Variants in SMYD3 observed in about 807,000 individuals in gnomAD.
SMYD3 encodes the protein histone-lysine N-methyltransferase SMYD3.
In SMYD3, 36 loss-of-function variants were observed where a neutral mutation model predicts 57.7. The ratio of observed to expected loss-of-function variants is 0.62; its 90% CI spans 0.48 to 0.82. The LOEUF is 0.82. Among genes scored for constraint, SMYD3 ranks in the 40% least tolerant of loss-of-function variants. The pLI is 0.00. For synonymous variants in SMYD3, 211 were observed against 195.0 expected, an observed-to-expected ratio of 1.08 and a Z score of -0.68; for missense variants, 515 against 538.8, an observed-to-expected ratio of 0.96 and a Z score of 0.44.
At chr1:246,191,446 T>C (rs778379207) in intron 5 of SMYD3, among the ~76,000 whole-genome samples, 1 of 152,222 alleles carries the variant, frequency 6.6e-6, no homozygotes, top group Non-Finnish European at 1.5e-5. Context: ...AGAAAGACAC[T>C]GCATTTTTAG....
chr1:246,440,766 CAGAA>C (rs2067450477), intron 1 of SMYD3, among the ~76,000 whole-genome samples: 1 of 152,172 alleles, frequency 6.6e-6, no homozygotes, highest in Non-Finnish European at 1.5e-5. Flanking sequence ...TGAGCTTTCA[CAGAA>C]AGATACAAGT....
intron 2 of SMYD3, among the ~76,000 whole-genome samples, chr1:246,339,825 G>A (rs1352814292): frequency 6.6e-6 from 1 of 152,212 alleles, no homozygotes; most frequent in Non-Finnish European, 1.5e-5. Flanking sequence ...GCCCTCTCTT[G>A]TTCCCTCTCA....
intron 1 of SMYD3, among the ~76,000 whole-genome samples, chr1:246,364,703 T>C (rs1441429898): frequency 6.6e-6 from 1 of 152,104 alleles, no homozygotes; most frequent in Non-Finnish European, 1.5e-5. Flanking sequence ...GGGGAGTGGT[T>C]AAAAGTCTAA....
chr1:246,483,420 C>T (rs1235517578), intron 1 of SMYD3: 2 of 152,182 alleles, frequency 1.3e-5, no homozygotes, highest in East Asian at 1.9e-4. Context: ...TTGAGACTAA[C>T]ATCAAAACAC....
intron 5 of SMYD3, among the ~76,000 whole-genome samples, chr1:246,310,247 C>T (rs2065053253): frequency 6.6e-6 from 1 of 152,104 alleles, no homozygotes; most frequent in Non-Finnish European, 1.5e-5. Context: ...CAAGAGAAAT[C>T]GGAGGCAAGT....
chr1:245,836,707 G>A (rs898322874), intron 10 of SMYD3, among the ~76,000 whole-genome samples: 6 of 152,192 alleles, frequency 3.9e-5, no homozygotes, highest in Non-Finnish European at 8.8e-5. Context: ...AGCACTCACT[G>A]GCAGCAGGGG....
intron 5 of SMYD3, among the ~76,000 whole-genome samples, chr1:245,931,251 G>A (rs2056698157): frequency 6.6e-6 from 1 of 152,188 alleles, no homozygotes; most frequent in South Asian, 2.1e-4. Flanking sequence ...GAATGGAAGT[G>A]GAGAAAATGG....
chr1:246,124,757 G>T (rs2061478971), intron 5 of SMYD3, among the ~76,000 whole-genome samples: 1 of 152,140 alleles, frequency 6.6e-6, no homozygotes. Flanking sequence ...GGTTGAGAAT[G>T]TATCTGATGA....
At chr1:245,978,574 G>C (rs1200942527) in intron 5 of SMYD3, among the ~76,000 whole-genome samples, 3 of 152,138 alleles carry the variant, frequency 2.0e-5, no homozygotes, top group Non-Finnish European at 2.9e-5. Context: ...GGGAGGGCGG[G>C]GGGCAGAGAG....
At chr1:245,880,210 T>A (rs2052706713) in intron 8 of SMYD3, among the ~76,000 whole-genome samples, 1 of 152,252 alleles carries the variant, frequency 6.6e-6, no homozygotes, top group Admixed American at 6.5e-5. Context: ...CCTGCCAATC[T>A]GAACTCATTT....
chr1:246,112,108 C>T (rs1210178772), intron 5 of SMYD3, among the ~76,000 whole-genome samples: 2 of 152,182 alleles, frequency 1.3e-5, no homozygotes, highest in African/African-American at 4.8e-5. Flanking sequence ...ATACTCTGCC[C>T]TTCAGAGCAA....
At chr1:246,115,868 G>T (rs1349257941) in intron 5 of SMYD3, among the ~76,000 whole-genome samples, 1 of 152,146 alleles carries the variant, frequency 6.6e-6, no homozygotes, top group East Asian at 1.9e-4. Flanking sequence ...GCTGGGCGTA[G>T]TGGCTCACAC....
chr1:245,844,683 T>C (rs2050575315), intron 10 of SMYD3, among the ~76,000 whole-genome samples: 1 of 151,862 alleles, frequency 6.6e-6, no homozygotes, highest in African/African-American at 2.4e-5. Context: ...GCTCCCTTAG[T>C]TATGAGCAGT....
At chr1:245,868,787 T>TA (rs1464581426) in intron 8 of SMYD3, among the ~76,000 whole-genome samples, 4 of 152,156 alleles carry the variant, frequency 2.6e-5, no homozygotes, top group Non-Finnish European at 5.9e-5. Flanking sequence ...CCCCTGACCC[T>TA]ACCCATCCCA....
intron 5 of SMYD3, among the ~76,000 whole-genome samples, chr1:246,090,365 G>A (rs900601814): frequency 5.3e-5 from 8 of 151,902 alleles, no homozygotes; most frequent in African/African-American, 1.7e-4. Context: ...ACAGCTGAAC[G>A]TTGGTCATTA....
intron 5 of SMYD3, among the ~76,000 whole-genome samples, chr1:246,268,991 C>G (rs916386837): frequency 6.6e-6 from 1 of 152,140 alleles, no homozygotes; most frequent in African/African-American, 2.4e-5. Flanking sequence ...TAAAAAGTTA[C>G]AGGTTCCCAT....
intron 8 of SMYD3, among the ~76,000 whole-genome samples, chr1:245,874,905 G>A (rs904834968): frequency 6.6e-6 from 1 of 152,220 alleles, no homozygotes; most frequent in African/African-American, 2.4e-5. Context: ...ACACTACTTT[G>A]TAAAGTTTGG....
intron 1 of SMYD3, among the ~76,000 whole-genome samples, chr1:246,454,134 T>C (rs577020296): frequency 1.3e-5 from 2 of 152,322 alleles, no homozygotes; most frequent in South Asian, 2.1e-4. Flanking sequence ...TGAGTTAACA[T>C]GGGAAACCAA....
At chr1:246,113,448 T>C (rs1208304682) in intron 5 of SMYD3, among the ~76,000 whole-genome samples, 1 of 152,194 alleles carries the variant, frequency 6.6e-6, no homozygotes, top group Non-Finnish European at 1.5e-5. Flanking sequence ...TTAGTCTTGG[T>C]AAGAACAAAG....
Sources: gnomAD v4.1 joint callset for allele counts (sites outside exome capture counted in the v4.1 genomes callset) on GRCh38, gnomAD v4.1.1 for gene constraint, MANE v1.5 for transcripts, NCBI Gene and HGNC (gene_info 2026-07-23, HGNC 2026-07-21) for gene names.